CDCA4: variants seen among roughly 807,000 people sequenced by gnomAD.
CDCA4 encodes the protein cell division cycle-associated protein 4.
For synonymous variants in CDCA4, 130 were observed against 137.0 expected (o/e 0.95, Z 0.36); for missense variants, 294 against 322.1 (o/e 0.91, Z 0.67).
chr14:105,020,312 G>T (rs1886194443), intron 1 of CDCA4, among the ~76,000 whole-genome samples: 1 of 152,222 alleles, frequency 6.6e-6, no homozygotes, highest in Admixed American at 6.5e-5. Context: ...CCGCCGTCCC[G>T]TGCGTCCCAC....
In CDCA4 at chr14:105,016,148, G is replaced by A. The variant is rs4492978; in HGVS notation, c.-6-4213C>T. Among the ~76,000 whole-genome samples the A allele has an allele frequency of 3.9e-5, 6 of 152,170 alleles. No individual in the cohort carries two copies. The East Asian group carries it at 7.7e-4, about 20-fold the overall frequency. On this transcript the variant is annotated intron_variant, in intron 1 of 1. Transcript: ENST00000336219. The stretch of plus-strand genomic sequence containing the variant: ...AGCTCTGGATAAACAGCCTCTGCCT[G>A]TTCTCACCTGGTTGCTTATTTCCAC...
At chr14:105,019,965 G>C (rs1886183249) in intron 1 of CDCA4, among the ~76,000 whole-genome samples, 1 of 152,220 alleles carries the variant, frequency 6.6e-6, no homozygotes, top group African/African-American at 2.4e-5. Flanking sequence ...CACCCGCCTA[G>C]GCCTCCTCTC....
At chr14:105,017,641 C>T (rs1002512581) in intron 1 of CDCA4, among the ~76,000 whole-genome samples, 11 of 151,868 alleles carry the variant, frequency 7.2e-5, no homozygotes, top group African/African-American at 2.7e-4. Flanking sequence ...ACCATCCTGG[C>T]CAACACGATG....
chr14:105,011,312 G>A lies in CDCA4; in HGVS notation c.618C>T (p.Pro206=). The A allele has an allele frequency of 6.2e-7, 1 of 1,614,080 alleles. No homozygotes were observed. The highest frequency in any genetic ancestry group is 1.7e-4 in the Middle Eastern group (1 of 6,046). ...TGMMGGARPG[P]CEGLEGLAPA... ...GAGCCAAGCCCTCGAGCCCTTCGCA[G>A]GGGCCCGGCCTGGCACCCCCCATCA... Residue 206 remains proline (P), a synonymous_variant, in exon 2 of 2, where the codon CCC becomes CCT. Transcript: ENST00000336219.
In CDCA4 at chr14:105,011,840, G is replaced by A; in HGVS notation, c.90C>T (p.Tyr30=). Reference sequence around the variant, plus strand: ...CCAGGAGCGACTGCCGCTGCAGGCTGTATGAGGACACTGTCTTCAAGCCGG... The same window carrying A: ...CCAGGAGCGACTGCCGCTGCAGGCTATATGAGGACACTGTCTTCAAGCCGG... ...ALAGLKTVSS[Y]SLQRQSLLDM... The change falls in exon 2 of 2, where the codon TAC becomes TAT. Residue 30 remains tyrosine, a synonymous_variant. Transcript: ENST00000336219. 2 of 1,613,966 alleles carry A rather than the reference G, an allele frequency of 1.2e-6. No individual in the cohort carries two copies. The highest frequency in any genetic ancestry group is 1.7e-5 in the Admixed American group (1 of 60,026).
Position 105,011,872 on chromosome 14 carries a change from C to T in CDCA4, c.58G>A (p.Ala20Thr). Residue 20 changes from alanine (A) to threonine (T), a missense_variant, in exon 2 of 2, where the codon GCC (alanine) becomes ACC (threonine). By Grantham distance (58) the Ala-to-Thr change is moderately conservative (BLOSUM62 0). Coordinates refer to ENST00000336219, the MANE Select transcript of CDCA4 (RefSeq NM_017955.4). ...CVGHEEDVEG[A>T]LAGLKTVSSY... is the part of the protein sequence containing the mutation. ...GACACTGTCTTCAAGCCGGCCAGGG[C>T]TCCCTCCACGTCTTCCTCGTGGCCA... 1.9e-6 allele frequency: 3 copies of T among 1,613,960 alleles called. No individual in the cohort carries two copies. The highest frequency in any genetic ancestry group is 2.5e-6 in the Non-Finnish European group (3 of 1,179,982).
At position 105,011,017 on chromosome 14, in the gene CDCA4, A is replaced by G; in HGVS notation, c.*187T>C. On this transcript the variant is annotated 3_prime_UTR_variant, in exon 2 of 2. Transcript: ENST00000336219. ...CAGAACAGCCTCTGCCTGGCGCTCC[A>G]CAGGGGGGAGGTGAGTGGGACGGGC... is the stretch of plus-strand genomic sequence containing the variant. 2 of 686,960 alleles carry G rather than the reference A, an allele frequency of 2.9e-6. No individual in the cohort carries two copies. Among genetic ancestry groups the G allele is most frequent in the Non-Finnish European group, 4.8e-6 (2 of 420,142 alleles). The allele number at this position is 686,960 out of a possible 1,614,324, so 42.6% of individuals were successfully genotyped here. A position where few individuals can be genotyped will look rare whatever the true frequency, so the allele number is the denominator to read the frequency against.
rs1900487420 is a variant in CDCA4 at position 105,011,163 on chromosome 14, T to A, written c.*41A>T. 6.4e-7 allele frequency: 1 copy of A among 1,559,724 alleles called. No homozygotes were observed. The highest frequency in any genetic ancestry group is 1.4e-5 in the African/African-American group (1 of 73,618). On this transcript the variant is annotated 3_prime_UTR_variant, in exon 2 of 2. Coordinates refer to ENST00000336219, the MANE Select transcript of CDCA4 (RefSeq NM_017955.4). ...CTCCGTGGGAGCCAGTGCTCACGTG[T>A]CAATGCGTCAGAGGCGGCTGTGAGC...
At position 105,010,387 on chromosome 14, in the gene CDCA4, A is replaced by C. The variant is rs1221840604; in HGVS notation, c.*817T>G. ...GGGGCTATGAGGTCCCTGAAGACCAACTGGTGCCTGTGATCTACAAACAGA... is the reference window on the plus strand; with the variant it reads ...GGGGCTATGAGGTCCCTGAAGACCACCTGGTGCCTGTGATCTACAAACAGA... On this transcript the variant is annotated 3_prime_UTR_variant, in exon 2 of 2. Transcript: ENST00000336219. 6.6e-6 allele frequency: 1 copy of C among 152,324 alleles called. No individual in the cohort carries two copies. The allele number at this position is 152,324 out of a possible 1,614,324, so 9.4% of individuals were successfully genotyped here.
At chr14:105,013,491 C>G (rs1900558957) in intron 1 of CDCA4, among the ~76,000 whole-genome samples, 1 of 152,228 alleles carries the variant, frequency 6.6e-6, no homozygotes, top group Non-Finnish European at 1.5e-5. Context: ...TTTGAATATG[C>G]AAACTTTGGA....
In CDCA4 at chr14:105,011,023, GGGA is replaced by G; in HGVS notation, c.*178_*180del. ...AGCCTCTGCCTGGCGCTCCACAGGG[GGGA>G]GGTGAGTGGGACGGGCCTAGGGCTG... On this transcript the variant is annotated 3_prime_UTR_variant, in exon 2 of 2. Coordinates refer to ENST00000336219, the MANE Select transcript of CDCA4 (RefSeq NM_017955.4). The G allele has an allele frequency of 2.9e-6, 2 of 701,582 alleles. No individual in the cohort carries two copies. Among genetic ancestry groups the G allele is most frequent in the Non-Finnish European group, 4.6e-6 (2 of 432,480 alleles). The allele number at this position is 701,582 out of a possible 1,614,324, so 43.5% of individuals were successfully genotyped here.
chr14:105,011,881 C>CATT lies in CDCA4; in HGVS notation c.48_49insAAT (p.Asp16_Val17insAsn). 6.2e-7 allele frequency: 1 copy of CATT among 1,613,746 alleles called. No individual in the cohort carries two copies. The highest frequency in any genetic ancestry group is 8.5e-7 in the Non-Finnish European group (1 of 1,179,846). On this transcript the variant is annotated inframe_insertion, in exon 2 of 2. Transcript: ENST00000336219. ...TTCAAGCCGGCCAGGGCTCCCTCCA[C>CATT]GTCTTCCTCGTGGCCAACACATTTC... is the stretch of plus-strand genomic sequence containing the variant.
In CDCA4 at chr14:105,009,755, A is replaced by T. The variant is rs1421717861; in HGVS notation, c.*1449T>A. On this transcript the variant is annotated 3_prime_UTR_variant, in exon 2 of 2. Transcript: ENST00000336219. The stretch of plus-strand genomic sequence containing the variant: ...CAGCCGGGCGCTGAACAATGTAAAA[A>T]GAATTTGCTCTGCAACCCTGTGGGG... 2.0e-5 allele frequency: 3 copies of T among 148,260 alleles called. No homozygotes were observed. Among genetic ancestry groups the T allele is most frequent in the Non-Finnish European group, 3.0e-5 (2 of 66,952 alleles). The allele number at this position is 148,260 out of a possible 1,614,324, so 9.2% of individuals were successfully genotyped here.
Position 105,010,905 on chromosome 14 carries a change from C to A in CDCA4, c.*299G>T. The A allele has an allele frequency of 2.4e-6, 1 of 412,936 alleles. No homozygotes were observed. Among genetic ancestry groups the A allele is most frequent in the African/African-American group, 2.0e-5 (1 of 49,376 alleles). The allele number at this position is 412,936 out of a possible 1,614,324, so 25.6% of individuals were successfully genotyped here. ...TAAAGGTAAAAGGAGGTTGATGCAGCTGCGGCTCACCGTCCTCTACAGTGG... is the reference window on the plus strand; with the variant it reads ...TAAAGGTAAAAGGAGGTTGATGCAGATGCGGCTCACCGTCCTCTACAGTGG... On this transcript the variant is annotated 3_prime_UTR_variant, in exon 2 of 2. Transcript: ENST00000336219.
intron 1 of CDCA4, among the ~76,000 whole-genome samples, chr14:105,019,448 G>A (rs981047524): frequency 2.2e-4 from 33 of 152,372 alleles, no homozygotes; most frequent in Admixed American, 4.6e-4. Flanking sequence ...GGGCTGGGAC[G>A]GTTGGGGACA....
chr14:105,012,981 G>A (rs1900547604), intron 1 of CDCA4, among the ~76,000 whole-genome samples: 1 of 152,222 alleles, frequency 6.6e-6, no homozygotes, highest in Non-Finnish European at 1.5e-5. Context: ...TGTTGTGGCA[G>A]CCCAGAGCTG....
chr14:105,015,398 A>G (rs74673315), intron 1 of CDCA4, among the ~76,000 whole-genome samples: 6 of 135,828 alleles, frequency 4.4e-5, no homozygotes, highest in Non-Finnish European at 6.6e-5. Flanking sequence ...ACATACAGAA[A>G]CAGAACTCTC....
rs1160640362 is a variant in CDCA4, at chr14:105,011,375, G to C, written c.555C>G (p.Asp185Glu). The change falls in exon 2 of 2, where the codon GAC (aspartate) becomes GAG (glutamate). Residue 185 changes from aspartate (D) to glutamate (E), a missense_variant. Transcript: ENST00000336219. ...CTGTGTCCAGGTCGTAGTAGGGGCT[G>C]TCCACGTCTGAGAACAGCTCTTCCA... ...SCMEELFSDVDSPYYDLDTVL... is the reference protein window; with the variant it reads ...SCMEELFSDVESPYYDLDTVL... 3 of 1,614,102 alleles carry C rather than the reference G, an allele frequency of 1.9e-6. No individual in the cohort carries two copies. The African/African-American group carries it at 4.0e-5, about 22-fold the overall frequency.
At chr14:105,016,443 T>A (rs1900657350) in intron 1 of CDCA4, among the ~76,000 whole-genome samples, 1 of 152,270 alleles carries the variant, frequency 6.6e-6, no homozygotes, top group Non-Finnish European at 1.5e-5. Flanking sequence ...TAGGGTGATG[T>A]GCAGGTACAT....
Sources: gnomAD v4.1 joint callset for allele counts (sites outside exome capture counted in the v4.1 genomes callset) on GRCh38, gnomAD v4.1.1 for gene constraint, MANE v1.5 for transcripts, NCBI Gene and HGNC (gene_info 2026-07-23, HGNC 2026-07-21) for gene names.